Variants in OVCH1 observed in about 807,000 individuals in gnomAD.
The protein encoded by OVCH1 is ovochymase-1.
A neutral mutation model predicts 138.4 loss-of-function variants in OVCH1; 139 were observed. That is an observed-to-expected ratio of 1.00 (90% CI 0.87 to 1.16). The LOEUF (loss-of-function observed/expected upper bound fraction) is 1.16, where lower values mean the gene tolerates loss of function less well. Ranked by LOEUF, OVCH1 falls within the 50% of genes most tolerant of loss-of-function variation. The pLI is 0.00. For missense variants in OVCH1, 1,367 were observed against 1,357.9 expected (o/e 1.01, Z -0.11); for synonymous variants, 453 against 467.8 (o/e 0.97, Z 0.41).
intron 26 of OVCH1, among the ~76,000 whole-genome samples, chr12:29,436,338 C>T (rs1340912591): frequency 6.6e-6 from 1 of 151,418 alleles, no homozygotes; most frequent in Non-Finnish European, 1.5e-5. Context: ...AGAAAACATA[C>T]TCCAAGTTAT....
downstream of OVCH1, among the ~76,000 whole-genome samples, chr12:29,409,409 A>G (rs913465450): frequency 1.3e-3 from 196 of 151,828 alleles, 1 homozygote; most frequent in Middle Eastern, 6.8e-3. Context: ...TAGGGTGTCA[A>G]TTTTGGATCT....
chr12:29,494,293 C>G (rs1467139071), intron 4 of OVCH1, among the ~76,000 whole-genome samples: 1 of 152,136 alleles, frequency 6.6e-6, no homozygotes, highest in Non-Finnish European at 1.5e-5. Context: ...GCCTGGCTAA[C>G]TACTCTGGAC....
chr12:29,439,418 AG>A lies in OVCH1; in HGVS notation c.3173del (p.Thr1058IlefsTer4), dbSNP rs1180359716. On this transcript the variant is annotated frameshift_variant, in exon 26 of 28. Transcript: ENST00000318184. LOFTEE classifies it high-confidence loss of function. ...TGTCTTTTGTCAGTATCATTGCCAG[AG>A]TTCCAGCGAATGAAGCTAAGATGGT... The A allele has an allele frequency of 6.5e-7, 1 of 1,528,718 alleles. No homozygotes were observed. Among genetic ancestry groups the A allele is most frequent in the Non-Finnish European group, 8.8e-7 (1 of 1,140,644 alleles). 94.7% of individuals were successfully genotyped at this position (1,528,718 alleles called of 1,614,324 possible).
chr12:29,487,475 G>A, intron 7 of OVCH1: 1 of 434,636 alleles, frequency 2.3e-6, no homozygotes, highest in Non-Finnish European at 4.0e-6. Flanking sequence ...ATGCAAAAAG[G>A]CATCTCATGA....
Position 29,413,889 on chromosome 12 carries a change from G to A in OVCH1, c.*72-1164C>T, listed in dbSNP as rs371794169. Among the ~76,000 whole-genome samples, 628 of 151,848 alleles carry A rather than the reference G, an allele frequency of 4.1e-3. 5 individuals carry two copies. The highest frequency in any genetic ancestry group is 0.014 in the African/African-American group (577 of 41,380). On this transcript the variant is annotated intron_variant and NMD_transcript_variant, in intron 3 of 4. Coordinates refer to the OVCH1 transcript ENST00000539117. ...GCCTATGCACATCCAAATCTTTTAC[G>A]TTATGCTGCCTTTGCAGATAATCAT...
rs1462358785 is a variant in OVCH1 at position 29,461,952 on chromosome 12, CCT to C, written c.2180_2181del (p.Glu727GlyfsTer3). ...GCAGAATAGTAAGTGTGTTCACAGA[CCT>C]CTCTTTCTAACACATGCACTTGAAT... On this transcript the variant is annotated frameshift_variant, in exon 19 of 28. Transcript: ENST00000318184. LOFTEE classifies it high-confidence loss of function. The C allele has an allele frequency of 3.7e-6, 6 of 1,613,720 alleles. No individual in the cohort carries two copies. The highest frequency in any genetic ancestry group is 1.3e-5 in the African/African-American group (1 of 74,918).
intron 16 of OVCH1, among the ~76,000 whole-genome samples, chr12:29,469,559 T>G (rs1398067413): frequency 1.3e-5 from 2 of 151,982 alleles, no homozygotes; most frequent in Non-Finnish European, 2.9e-5. Context: ...GCTGGCCTGC[T>G]GGGAGCAAGC....
chr12:29,415,211 G>A (rs770141938), intron 3 of OVCH1, among the ~76,000 whole-genome samples: 7 of 152,196 alleles, frequency 4.6e-5, no homozygotes, highest in East Asian at 1.9e-4. Flanking sequence ...CACAGTCCTC[G>A]GAGAACAGGA....
At chr12:29,426,889 A>C (rs577973282), downstream of OVCH1, among the ~76,000 whole-genome samples, 3 of 152,348 alleles carry the variant, frequency 2.0e-5, no homozygotes, top group South Asian at 6.2e-4. Context: ...GAGCACTTGA[A>C]ATGTTGGTAT....
chr12:29,461,740 GAT>G, intron 19 of OVCH1, 112 bp downstream of exon 19: 1 of 1,286,146 alleles, frequency 7.8e-7, no homozygotes, highest in Non-Finnish European at 1.1e-6. Flanking sequence ...GCAGGGATAT[GAT>G]ATTGAAGCAC....
intron 8 of OVCH1, among the ~76,000 whole-genome samples, 183 bp downstream of exon 9, chr12:29,484,530 G>A (rs755732986): frequency 2.6e-5 from 4 of 152,096 alleles, no homozygotes; most frequent in Non-Finnish European, 4.4e-5. Flanking sequence ...TGGCATGCCC[G>A]TGTAATCCCT....
intron 27 of OVCH1, among the ~76,000 whole-genome samples, chr12:29,428,748 T>A (rs942623148): frequency 9.2e-5 from 14 of 152,174 alleles, no homozygotes; most frequent in Admixed American, 3.3e-4. Context: ...AAAGAAAGCA[T>A]CAAAATCCTC....
At chr12:29,495,343 G>A (rs768905071) in exon 4 of OVCH1, 2 of 1,613,194 alleles carry the variant, frequency 1.2e-6, no homozygotes, top group South Asian at 1.1e-5. Context: ...TATATTCACG[G>A]CTGTTGTATT....
chr12:29,443,142 T>C (rs899671444), intron 25 of OVCH1, among the ~76,000 whole-genome samples: 21 of 152,142 alleles, frequency 1.4e-4, no homozygotes, highest in African/African-American at 5.1e-4. Context: ...GTATGATCCA[T>C]GTAAGAAACG....
chr12:29,472,910 A>C, intron 15 of OVCH1, 119 bp downstream of exon 15: 1 of 833,008 alleles, frequency 1.2e-6, no homozygotes, highest in Non-Finnish European at 1.9e-6. Context: ...CCTAAATATA[A>C]GACTCATTCT....
intron 3 of OVCH1, among the ~76,000 whole-genome samples, chr12:29,418,768 G>A (rs904446172): frequency 6.6e-6 from 1 of 152,186 alleles, no homozygotes; most frequent in African/African-American, 2.4e-5. Flanking sequence ...GACAGTATTT[G>A]TCATAAGGGA....
the OVCH1 span, among the ~76,000 whole-genome samples, chr12:29,402,984 C>T: frequency 6.6e-6 from 1 of 152,096 alleles, no homozygotes; most frequent in Non-Finnish European, 1.5e-5. Flanking sequence ...GATTATTAAC[C>T]AGTTTCAATG....
intron 26 of OVCH1, among the ~76,000 whole-genome samples, chr12:29,434,105 C>T (rs1941316470): frequency 6.6e-6 from 1 of 152,018 alleles, no homozygotes; most frequent in South Asian, 2.1e-4. Flanking sequence ...CACAGGATGA[C>T]GGACAAAGCG....
At chr12:29,475,562 T>G (rs561637412) in intron 13 of OVCH1, among the ~76,000 whole-genome samples, 2 of 152,170 alleles carry the variant, frequency 1.3e-5, no homozygotes, top group Non-Finnish European at 2.9e-5. Context: ...GAAGTCACTT[T>G]CATGAAAACC....
Sources: allele counts gnomAD v4.1 joint callset (sites outside exome capture counted in the v4.1 genomes callset), GRCh38; gene constraint gnomAD v4.1.1; transcripts MANE v1.5; gene names NCBI Gene and HGNC (gene_info 2026-07-23, HGNC 2026-07-21).